Variants in EPHX2 observed in about 807,000 individuals in gnomAD.
EPHX2 encodes the protein bifunctional epoxide hydrolase 2.
In EPHX2, 74 loss-of-function variants were observed where a neutral mutation model predicts 78.7. The ratio of observed to expected loss-of-function variants is 0.94; its 90% confidence interval spans 0.78 to 1.14. The LOEUF (loss-of-function observed/expected upper bound fraction) is 1.14, where lower values mean the gene tolerates loss of function less well. Among genes scored for constraint, EPHX2 ranks in the 50% most tolerant of loss-of-function variants. EPHX2 has a pLI of 0.00. For missense variants in EPHX2, 715 were observed against 702.5 expected, an observed-to-expected ratio of 1.02 and a Z score of -0.20; for synonymous variants, 251 against 255.2, an observed-to-expected ratio of 0.98 and a Z score of 0.16.
At chr8:27,521,972 C>T (rs556912484) in intron 10 of EPHX2, among the ~76,000 whole-genome samples, 105 of 152,110 alleles carry the variant, frequency 6.9e-4, no homozygotes, top group Non-Finnish European at 1.3e-3. Context: ...ATACCAGCAG[C>T]GGAAAGAGAG....
rs1444876067 is a variant in EPHX2 at position 27,505,113 on chromosome 8, T to G, written c.504T>G (p.Phe168Leu). The change falls in exon 4 of 19, where the codon TTT becomes TTG. Residue 168 changes from phenylalanine (F) to leucine (L), a missense_variant. By Grantham distance (22) the Phe-to-Leu change is conservative. Coordinates refer to ENST00000521400, the MANE Select transcript of EPHX2 (RefSeq NM_001979.6). ...AACCTGAACCTCAGATCTACAAGTTTCTGCTGGACACCCTGAAGGCCAGCC... is the reference window on the plus strand; with the variant it reads ...AACCTGAACCTCAGATCTACAAGTTGCTGCTGGACACCCTGAAGGCCAGCC... ...MVKPEPQIYK[F>L]LLDTLKASPS... 6.2e-7 allele frequency: 1 copy of G among 1,613,982 alleles called. No homozygotes were observed. The highest frequency in any genetic ancestry group is 1.3e-5 in the African/African-American group (1 of 74,906).
At chr8:27,491,402 G>A in intron 1 of EPHX2, 93 bp downstream of exon 1, 5 of 943,988 alleles carry the variant, frequency 5.3e-6, no homozygotes, top group African/African-American at 1.8e-5. Context: ...TTGCTCCTGT[G>A]CCGGAGCCCT....
downstream of EPHX2, chr8:27,545,683 C>T (rs1815562390): frequency 1.3e-5 from 2 of 152,322 alleles, no homozygotes; most frequent in African/African-American, 4.8e-5. Flanking sequence ...GGTTCCGAGC[C>T]CTTTCTGCCT....
At position 27,505,038 on chromosome 8, in the gene EPHX2, G is replaced by A. The variant is rs1239280381; in HGVS notation, c.429G>A (p.Leu143=). Residue 143 remains leucine (L), a synonymous_variant, in exon 4 of 19, where the codon CTG becomes CTA. Transcript: ENST00000521400. ...GCCTGGCCCAGCTGATGTGTGAGCT[G>A]AAGATGCACTTTGACTTCCTGATAG... ...RDGLAQLMCE[L]KMHFDFLIES... 1 of 1,614,180 alleles carries A rather than the reference G, an allele frequency of 6.2e-7. No individual in the cohort carries two copies. The highest frequency in any genetic ancestry group is 8.5e-7 in the Non-Finnish European group (1 of 1,180,034).
At chr8:27,522,962 CAAA>C (rs539360462) in intron 11 of EPHX2, among the ~76,000 whole-genome samples, 2,233 of 62,644 alleles carry the variant, frequency 0.036, 39 homozygotes, top group African/African-American at 0.11. Context: ...ACTCCGTTTC[CAAA>C]AAAAAAAAAA....
At chr8:27,510,097 T>C (rs1814182497) in intron 5 of EPHX2, among the ~76,000 whole-genome samples, 1 of 152,182 alleles carries the variant, frequency 6.6e-6, no homozygotes, top group Non-Finnish European at 1.5e-5. Context: ...GCCATGGAGA[T>C]GGGAGGACTC....
intron 4 of EPHX2, among the ~76,000 whole-genome samples, chr8:27,505,544 C>G (rs1041322962): frequency 1.3e-5 from 2 of 152,218 alleles, no homozygotes; most frequent in African/African-American, 4.8e-5. Context: ...CACCAGACAC[C>G]CTGTGCCCTG....
intron 1 of EPHX2, among the ~76,000 whole-genome samples, chr8:27,498,996 C>T (rs989879158): frequency 6.6e-6 from 1 of 152,138 alleles, no homozygotes; most frequent in East Asian, 1.9e-4. Context: ...TGAGGGGTTG[C>T]ATCTGGTGAG....
At chr8:27,510,124 T>G (rs73227337) in intron 5 of EPHX2, among the ~76,000 whole-genome samples, 17,168 of 152,184 alleles carry the variant, frequency 0.11, 1,026 homozygotes, top group African/African-American at 0.16. Flanking sequence ...TGTGTCCCCC[T>G]CTGCAGAGTC....
chr8:27,522,618 G>A, intron 11 of EPHX2, 110 bp downstream of exon 11: 1 of 1,054,606 alleles, frequency 9.5e-7, no homozygotes, highest in Admixed American at 2.1e-5. Flanking sequence ...CAAGTAGGTA[G>A]TCTGGGAAGG....
intron 8 of EPHX2, among the ~76,000 whole-genome samples, chr8:27,517,835 A>G (rs1417106952): frequency 1.3e-5 from 2 of 152,246 alleles, no homozygotes; most frequent in African/African-American, 2.4e-5. Context: ...ATGATTTCAC[A>G]GATGGATATG....
chr8:27,514,033 T>G (rs1356410069), intron 6 of EPHX2, among the ~76,000 whole-genome samples: 2 of 152,166 alleles, frequency 1.3e-5, no homozygotes, highest in African/African-American at 4.8e-5. Flanking sequence ...AAACTTTCTG[T>G]GGGGCCAGGT....
At chr8:27,497,913 G>T (rs1049614951) in intron 1 of EPHX2, among the ~76,000 whole-genome samples, 1 of 152,160 alleles carries the variant, frequency 6.6e-6, no homozygotes, top group Non-Finnish European at 1.5e-5. Flanking sequence ...TTGTTGACCG[G>T]TAGGGATTTG....
At chr8:27,516,770 T>C (rs569137934) in intron 8 of EPHX2, among the ~76,000 whole-genome samples, 2 of 152,346 alleles carry the variant, frequency 1.3e-5, no homozygotes, top group East Asian at 3.9e-4. Flanking sequence ...ACTTCCATTC[T>C]ACTTTCTGTC....
At chr8:27,519,690 C>G (rs534805111) in intron 9 of EPHX2, among the ~76,000 whole-genome samples, 1 of 152,330 alleles carries the variant, frequency 6.6e-6, no homozygotes, top group Non-Finnish European at 1.5e-5. Flanking sequence ...AACAAAGCGC[C>G]ACAGACTAGG....
At chr8:27,519,783 C>T (rs374293800) in intron 9 of EPHX2, among the ~76,000 whole-genome samples, 2 of 152,320 alleles carry the variant, frequency 1.3e-5, no homozygotes, top group East Asian at 3.9e-4. Context: ...GGTGCCAGCA[C>T]TGAAGTGAGG....
intron 5 of EPHX2, among the ~76,000 whole-genome samples, chr8:27,508,518 A>G (rs1175158633): frequency 6.6e-6 from 1 of 152,244 alleles, no homozygotes; most frequent in Non-Finnish European, 1.5e-5. Flanking sequence ...AGAAGAAAGC[A>G]CATCAGACTT....
chr8:27,525,612 G>A (rs1390910207), intron 12 of EPHX2, 139 bp downstream of exon 12: 5 of 791,446 alleles, frequency 6.3e-6, no homozygotes, highest in Non-Finnish European at 1.1e-5. Flanking sequence ...ATGGGCTCAG[G>A]TGAAACTGGC....
chr8:27,539,773 G>A (rs542420239), intron 14 of EPHX2, among the ~76,000 whole-genome samples: 2 of 152,206 alleles, frequency 1.3e-5, no homozygotes, highest in African/African-American at 4.8e-5. Flanking sequence ...TGGAGCACCC[G>A]CCTGGTGGGG....
Sources: gnomAD v4.1 joint callset for allele counts (sites outside exome capture counted in the v4.1 genomes callset) on GRCh38, gnomAD v4.1.1 for gene constraint, MANE v1.5 for transcripts, NCBI Gene and HGNC (gene_info 2026-07-23, HGNC 2026-07-21) for gene names.